The following CPED1 variants were observed in gnomAD, a reference collection of about 807,000 sequenced individuals.
CPED1 encodes the protein cadherin like and PC-esterase domain containing 1.
A neutral mutation model predicts 128.2 loss-of-function variants in CPED1; 114 were observed. The ratio of observed to expected loss-of-function variants is 0.89; its 90% CI spans 0.76 to 1.04. CPED1 has a LOEUF of 1.04. Ranked by LOEUF, CPED1 falls within the 50% of genes least tolerant of loss-of-function variation. The pLI, the probability that CPED1 is intolerant of heterozygous loss-of-function variation, is 0.00. For synonymous variants in CPED1, 462 were observed against 426.7 expected (o/e 1.08, Z -1.02); for missense variants, 1,211 against 1,207.1 (o/e 1.00, Z -0.05).
chr7:121,004,047 A>T (rs898190680), intron 2 of CPED1, among the ~76,000 whole-genome samples: 2 of 152,182 alleles, frequency 1.3e-5, no homozygotes, highest in African/African-American at 4.8e-5. Context: ...TGGGTTTGCC[A>T]GGTATGTGCC....
intron 3 of CPED1, among the ~76,000 whole-genome samples, chr7:121,026,304 T>G (rs1025104130): frequency 6.6e-6 from 1 of 152,184 alleles, no homozygotes; most frequent in African/African-American, 2.4e-5. Context: ...TTTCAGTTTC[T>G]CTTTCCTGAA....
chr7:121,062,525 T>G (rs1319694365), intron 4 of CPED1, among the ~76,000 whole-genome samples: 1 of 152,218 alleles, frequency 6.6e-6, no homozygotes, highest in Non-Finnish European at 1.5e-5. Flanking sequence ...ATTCAGGGTT[T>G]ATGAAAGCCC....
intron 5 of CPED1, among the ~76,000 whole-genome samples, chr7:121,073,041 C>T (rs1221826918): frequency 6.6e-6 from 1 of 152,110 alleles, no homozygotes; most frequent in Non-Finnish European, 1.5e-5. Flanking sequence ...AGCACTGACA[C>T]CTCGTGCACT....
intron 21 of CPED1, among the ~76,000 whole-genome samples, chr7:121,268,685 G>A (rs1274605355): frequency 6.6e-6 from 1 of 151,912 alleles, no homozygotes. Flanking sequence ...ACACCACTGA[G>A]CTCAGTCAGG....
chr7:121,175,468 A>G (rs1346164619), intron 16 of CPED1, among the ~76,000 whole-genome samples: 4 of 152,060 alleles, frequency 2.6e-5, no homozygotes, highest in Non-Finnish European at 5.9e-5. Context: ...AAAATTATAA[A>G]ATTCCCATTT....
chr7:121,005,019 C>A (rs1456391805), intron 2 of CPED1, among the ~76,000 whole-genome samples: 1 of 152,056 alleles, frequency 6.6e-6, no homozygotes, highest in Admixed American at 6.6e-5. Flanking sequence ...GAGATAATGG[C>A]TTATTTAGTA....
intron 2 of CPED1, among the ~76,000 whole-genome samples, chr7:120,994,645 G>GTGTGTGTGTGTGTGTGTGTGTGTGTT (rs1796363263): frequency 2.1e-5 from 3 of 139,818 alleles, no homozygotes; most frequent in Non-Finnish European, 4.7e-5. Flanking sequence ...GTGTGTGTGT[G>GTGTGTGTGTGTGTGTGTGTGTGTGTT]TGTGTGTGTG....
intron 16 of CPED1, among the ~76,000 whole-genome samples, chr7:121,204,027 A>T (rs1797464167): frequency 6.6e-6 from 1 of 151,628 alleles, no homozygotes; most frequent in South Asian, 2.1e-4. Context: ...GGTGAGGAGG[A>T]GCTCAGAAAG....
chr7:121,156,838 A>G (rs533110577), intron 16 of CPED1, among the ~76,000 whole-genome samples: 1 of 152,322 alleles, frequency 6.6e-6, no homozygotes, highest in Non-Finnish European at 1.5e-5. Flanking sequence ...TGGCTCGTAC[A>G]TATTTTTATT....
At chr7:121,002,642 G>C (rs1334779248) in intron 2 of CPED1, among the ~76,000 whole-genome samples, 1 of 151,134 alleles carries the variant, frequency 6.6e-6, no homozygotes, top group Non-Finnish European at 1.5e-5. Context: ...AGATAGGGAA[G>C]AAAGGAGGTG....
At chr7:121,012,415 T>C (rs1792181641) in intron 2 of CPED1, among the ~76,000 whole-genome samples, 2 of 152,176 alleles carry the variant, frequency 1.3e-5, no homozygotes, top group South Asian at 4.1e-4. Flanking sequence ...GGGCCAGCAG[T>C]GTTGTGTCAA....
At chr7:121,206,204 A>T (rs372754536) in intron 16 of CPED1, among the ~76,000 whole-genome samples, 1 of 152,072 alleles carries the variant, frequency 6.6e-6, no homozygotes, top group East Asian at 1.9e-4. Context: ...GATGCTAATG[A>T]AGACAAAATA....
At position 120,989,476 on chromosome 7, in the gene CPED1, T is replaced by C; in HGVS notation, c.-146T>C. On this transcript the variant is annotated 5_prime_UTR_variant, in exon 2 of 23. Transcript: ENST00000310396. ...GACCTATGATTCTTTGGCACAACCT[T>C]TTGGAAAATTCTTAAGCAGGGATGA... The C allele has an allele frequency of 9.5e-7, 1 of 1,048,450 alleles. No individual in the cohort carries two copies. The highest frequency in any genetic ancestry group is 1.4e-6 in the Non-Finnish European group (1 of 725,028). The allele number at this position is 1,048,450 out of a possible 1,614,324, so 64.9% of individuals were successfully genotyped here.
intron 16 of CPED1, among the ~76,000 whole-genome samples, chr7:121,151,615 A>G (rs1487130753): frequency 6.6e-6 from 1 of 152,234 alleles, no homozygotes; most frequent in African/African-American, 2.4e-5. Flanking sequence ...CTTAGAAATA[A>G]ATATCTGTAA....
chr7:121,198,226 C>CA (rs1797313115), intron 16 of CPED1, among the ~76,000 whole-genome samples: 1 of 152,008 alleles, frequency 6.6e-6, no homozygotes, highest in Non-Finnish European at 1.5e-5. Context: ...TAGACAATCT[C>CA]AAAAAATGTT....
At chr7:121,133,183 T>C (rs1795713092) in intron 12 of CPED1, among the ~76,000 whole-genome samples, 1 of 152,108 alleles carries the variant, frequency 6.6e-6, no homozygotes, top group South Asian at 2.1e-4. Context: ...TGATCCTGCC[T>C]GCTGTTCTTT....
Position 121,177,543 on chromosome 7 carries a change from G to A in CPED1, c.2055+35402G>A, listed in dbSNP as rs1584572036. Among the ~76,000 whole-genome samples the A allele has an allele frequency of 2.0e-5, 3 of 151,946 alleles. No homozygotes were observed. In the East Asian group the frequency reaches 5.8e-4, roughly 29 times the overall value. ...AAGGTTTAAGCCAAGCCAAAGAAAT[G>A]CATATATTGTGTACAAGCCAAACAA... On this transcript the variant is annotated intron_variant, in intron 16 of 22. Transcript: ENST00000310396.
intron 16 of CPED1, among the ~76,000 whole-genome samples, chr7:121,220,034 C>G (rs531623384): frequency 6.6e-6 from 1 of 152,080 alleles, no homozygotes; most frequent in Non-Finnish European, 1.5e-5. Context: ...TTTCCTACTC[C>G]TCAGTAAAGA....
intron 7 of CPED1, among the ~76,000 whole-genome samples, chr7:121,115,526 C>T (rs1253622749): frequency 6.6e-6 from 1 of 152,114 alleles, no homozygotes; most frequent in East Asian, 1.9e-4. Context: ...AGATACCCTG[C>T]ATAAAATATC....
Sources: allele counts gnomAD v4.1 joint callset (sites outside exome capture counted in the v4.1 genomes callset), GRCh38; gene constraint gnomAD v4.1.1; transcripts MANE v1.5; gene names NCBI Gene and HGNC (gene_info 2026-07-23, HGNC 2026-07-21).